Variants in NEK7 observed in about 807,000 individuals in gnomAD.
NEK7 encodes NIMA related kinase 7.
A neutral mutation model predicts 44.6 loss-of-function variants in NEK7; 18 were observed. That is an observed-to-expected ratio of 0.40 (90% CI 0.28 to 0.60). The LOEUF is 0.60. Among genes scored for constraint, NEK7 ranks in the 20% least tolerant of loss-of-function variants. The pLI, the probability that NEK7 is intolerant of heterozygous loss-of-function variation, is 0.38. For synonymous variants in NEK7, 130 were observed against 121.1 expected, an observed-to-expected ratio of 1.07 and a Z score of -0.48; for missense variants, 256 against 366.5, an observed-to-expected ratio of 0.70 and a Z score of 2.46.
intron 1 of NEK7, among the ~76,000 whole-genome samples, chr1:198,216,569 G>A (rs1252451293): frequency 6.6e-6 from 1 of 150,404 alleles, no homozygotes; most frequent in African/African-American, 2.4e-5. Flanking sequence ...AGGAAAAGAA[G>A]TAACGAAGAT....
intron 9 of NEK7, among the ~76,000 whole-genome samples, chr1:198,316,931 C>T (rs964752610): frequency 6.6e-6 from 1 of 152,180 alleles, no homozygotes; most frequent in Non-Finnish European, 1.5e-5. Flanking sequence ...TTATCCGGTG[C>T]CATCAAGTAT....
At chr1:198,286,734 G>A (rs1338359484) in intron 7 of NEK7, among the ~76,000 whole-genome samples, 8 of 152,182 alleles carry the variant, frequency 5.3e-5, no homozygotes, top group African/African-American at 1.9e-4. Context: ...TCCATTTCTT[G>A]TCTATTCAGA....
intron 2 of NEK7, among the ~76,000 whole-genome samples, chr1:198,239,302 T>A (rs954288636): frequency 1.3e-5 from 2 of 152,208 alleles, no homozygotes; most frequent in African/African-American, 4.8e-5. Flanking sequence ...CTTTGATTCC[T>A]CTAGCTGCAT....
At chr1:198,227,948 C>G (rs1666276474) in intron 1 of NEK7, among the ~76,000 whole-genome samples, 2 of 152,124 alleles carry the variant, frequency 1.3e-5, no homozygotes, top group East Asian at 3.8e-4. Flanking sequence ...TTGCCCATGC[C>G]TATGTCCTGA....
intron 1 of NEK7, among the ~76,000 whole-genome samples, chr1:198,177,726 G>A (rs575913845): frequency 6.6e-6 from 1 of 152,146 alleles, no homozygotes; most frequent in Non-Finnish European, 1.5e-5. Context: ...AAGAGTGATG[G>A]CATGATCAGT....
intron 3 of NEK7, among the ~76,000 whole-genome samples, chr1:198,262,264 T>C (rs1226207934): frequency 1.3e-5 from 2 of 151,954 alleles, no homozygotes; most frequent in Non-Finnish European, 2.9e-5. Flanking sequence ...TATTAATTGC[T>C]CAACATATAT....
intron 1 of NEK7, among the ~76,000 whole-genome samples, chr1:198,178,950 T>G (rs1482362182): frequency 1.3e-5 from 2 of 151,726 alleles, no homozygotes; most frequent in Non-Finnish European, 2.9e-5. Flanking sequence ...ATTTGTGAGA[T>G]AAGCTTAGTA....
intron 1 of NEK7, among the ~76,000 whole-genome samples, chr1:198,226,668 A>G (rs1666236169): frequency 6.6e-6 from 1 of 152,116 alleles, no homozygotes; most frequent in Non-Finnish European, 1.5e-5. Flanking sequence ...CATAACTCCC[A>G]TAATGCTTGT....
At chr1:198,296,932 A>G (rs1654733085) in intron 8 of NEK7, among the ~76,000 whole-genome samples, 195 bp from the exon 9 acceptor site, 2 of 152,220 alleles carry the variant, frequency 1.3e-5, no homozygotes, top group Non-Finnish European at 2.9e-5. Flanking sequence ...TGGAAAAAAA[A>G]TAACCAAAAG....
chr1:198,160,878 T>G (rs1036340309), intron 1 of NEK7, among the ~76,000 whole-genome samples: 2 of 152,228 alleles, frequency 1.3e-5, no homozygotes, highest in Non-Finnish European at 2.9e-5. Context: ...TTCCTAGGTG[T>G]TGTGTATTTT....
At chr1:198,178,124 C>A (rs527579620) in intron 1 of NEK7, among the ~76,000 whole-genome samples, 21 of 151,790 alleles carry the variant, frequency 1.4e-4, no homozygotes, top group African/African-American at 4.8e-4. Context: ...AAAAAGGTAG[C>A]CAAGATTTAT....
At chr1:198,236,084 G>A (rs995881704) in intron 2 of NEK7, among the ~76,000 whole-genome samples, 5 of 152,130 alleles carry the variant, frequency 3.3e-5, no homozygotes, top group Admixed American at 6.5e-5. Flanking sequence ...AGCATGTTCA[G>A]GGTAGTAATC....
intron 2 of NEK7, among the ~76,000 whole-genome samples, chr1:198,241,169 A>G (rs1050828197): frequency 6.6e-6 from 1 of 152,206 alleles, no homozygotes; most frequent in Non-Finnish European, 1.5e-5. Context: ...GTTAGAGGTC[A>G]GTGGTATTTA....
chr1:198,252,605 A>G (rs1336517743), intron 2 of NEK7, among the ~76,000 whole-genome samples: 4 of 134,438 alleles, frequency 3.0e-5, no homozygotes, highest in Non-Finnish European at 6.2e-5. Flanking sequence ...GTATGTTTAT[A>G]TATTTATTAA....
intron 2 of NEK7, 107 bp downstream of exon 2, chr1:198,232,744 G>A (rs545871724): frequency 5.9e-5 from 35 of 591,684 alleles, no homozygotes; most frequent in African/African-American, 5.5e-4. Flanking sequence ...TAGCACAAAA[G>A]TGCTAATTTT....
intron 1 of NEK7, among the ~76,000 whole-genome samples, chr1:198,231,301 G>GTATATATA (rs749263549): frequency 6.9e-4 from 60 of 86,944 alleles, no homozygotes; most frequent in Middle Eastern, 5.6e-3. Context: ...ATGTGTGTGT[G>GTATATATA]TATATATATA....
rs527304381 is a variant in NEK7 at position 198,262,711 on chromosome 1, A to G, written c.261+74A>G. The G allele has an allele frequency of 2.3e-5, 20 of 885,022 alleles. No homozygotes were observed. In the African/African-American group the frequency reaches 2.5e-4, roughly 11 times the overall value. The allele number at this position is 885,022 out of a possible 1,614,324, so 54.8% of individuals were successfully genotyped here. Reference sequence around the variant, plus strand: ...TGATTTACTAAAATATCACACTTAAACACAAAAAGGTTTTTAAGACTTATG... The same window carrying G: ...TGATTTACTAAAATATCACACTTAAGCACAAAAAGGTTTTTAAGACTTATG... On this transcript the variant is annotated intron_variant, in intron 4 of 9. Transcript: ENST00000367385.
intron 1 of NEK7, among the ~76,000 whole-genome samples, chr1:198,166,138 G>A (rs955136878): frequency 1.3e-5 from 2 of 152,308 alleles, no homozygotes; most frequent in South Asian, 2.1e-4. Context: ...TATCCAGACC[G>A]CTAAAACTTT....
intron 1 of NEK7, among the ~76,000 whole-genome samples, chr1:198,181,289 C>A (rs1263953985): frequency 1.3e-5 from 2 of 151,882 alleles, no homozygotes; most frequent in Non-Finnish European, 2.9e-5. Context: ...TCAATAGTGC[C>A]CTCTTCCATG....
Sources: allele counts gnomAD v4.1 joint callset (sites outside exome capture counted in the v4.1 genomes callset), GRCh38; gene constraint gnomAD v4.1.1; transcripts MANE v1.5; gene names NCBI Gene and HGNC (gene_info 2026-07-23, HGNC 2026-07-21).